The following SNW1 variants were observed in gnomAD, a reference collection of about 807,000 sequenced individuals.
The protein encoded by SNW1 is SNW domain containing 1.
Under a neutral mutation model 75.6 loss-of-function variants are expected in SNW1, and 9 were observed. The ratio of observed to expected loss-of-function variants is 0.12; its 90% CI spans 0.07 to 0.21. The LOEUF (loss-of-function observed/expected upper bound fraction) is 0.21. Among genes scored for constraint, SNW1 ranks in the 10% least tolerant of loss-of-function variants. The pLI is 1.00. For missense variants in SNW1, 409 were observed against 670.9 expected (o/e 0.61, Z 4.31); for synonymous variants, 200 against 219.1 (o/e 0.91, Z 0.77).
At chr14:77,736,949 T>C (rs745308514) in intron 6 of SNW1, 22 bp downstream of exon 6, 82 of 1,502,764 alleles carry the variant, frequency 5.5e-5, no homozygotes, top group Admixed American at 1.0e-4. Flanking sequence ...TGTGTATTAG[T>C]AGCCTATTCC....
intron 9 of SNW1, among the ~76,000 whole-genome samples, chr14:77,731,485 A>G (rs2080626580): frequency 6.6e-6 from 1 of 152,222 alleles, no homozygotes; most frequent in Admixed American, 6.5e-5. Context: ...GGGTGGAAGG[A>G]CTGCTTGAGC....
intron 6 of SNW1, among the ~76,000 whole-genome samples, chr14:77,736,700 GT>G (rs2080675657): frequency 6.6e-6 from 1 of 152,152 alleles, no homozygotes; most frequent in Admixed American, 6.6e-5. Flanking sequence ...AAGCAAGATA[GT>G]GAACATGTCT....
intron 10 of SNW1, among the ~76,000 whole-genome samples, chr14:77,723,552 T>C (rs1595074408): frequency 6.6e-6 from 1 of 151,862 alleles, no homozygotes; most frequent in South Asian, 2.1e-4. Context: ...GTCCCACTTA[T>C]GTTGTCGAGG....
At chr14:77,728,706 T>C (rs375437360) in intron 10 of SNW1, among the ~76,000 whole-genome samples, 4 of 152,164 alleles carry the variant, frequency 2.6e-5, no homozygotes, top group Admixed American at 6.5e-5. Context: ...CCTGTTTCTA[T>C]AGCCAATTAA....
intron 3 of SNW1, among the ~76,000 whole-genome samples, chr14:77,739,293 T>G (rs2080698212): frequency 6.6e-6 from 1 of 152,232 alleles, no homozygotes; most frequent in African/African-American, 2.4e-5. Context: ...GTTTGAGATC[T>G]TCTAATCAAG....
chr14:77,760,856 C>T (rs908167851), intron 1 of SNW1: 1 of 783,478 alleles, frequency 1.3e-6, no homozygotes, highest in East Asian at 2.7e-5. Flanking sequence ...GCGAAAAACC[C>T]ACTCTTCAGT....
rs1198843074 is a variant in SNW1, at chr14:77,717,763, A to T, written c.*325T>A. ...CACTGTGGTTGGGGTAACTTTACTCATATGCAGCTGTTCTTACACAAAACA... is the reference window on the plus strand; with the variant it reads ...CACTGTGGTTGGGGTAACTTTACTCTTATGCAGCTGTTCTTACACAAAACA... On this transcript the variant is annotated 3_prime_UTR_variant, in exon 14 of 14. Transcript: ENST00000261531. The T allele has an allele frequency of 4.9e-6, 3 of 609,014 alleles. No individual in the cohort carries two copies. Among genetic ancestry groups the T allele is most frequent in the South Asian group, 4.1e-5 (2 of 48,814 alleles). The allele number at this position is 609,014 out of a possible 1,614,324, so 37.7% of individuals were successfully genotyped here.
intron 2 of SNW1, among the ~76,000 whole-genome samples, chr14:77,753,376 C>T (rs532527476): frequency 6.6e-6 from 1 of 152,190 alleles, no homozygotes; most frequent in Non-Finnish European, 1.5e-5. Context: ...AACAGAGACA[C>T]TCAACTGCTC....
intron 12 of SNW1, among the ~76,000 whole-genome samples, chr14:77,720,125 CAACA>C (rs1304632995): frequency 6.6e-6 from 1 of 152,140 alleles, no homozygotes; most frequent in Non-Finnish European, 1.5e-5. Flanking sequence ...CAAAAATCAA[CAACA>C]AAAAAACCCA....
In SNW1 at chr14:77,717,921, CA is replaced by C. The variant is rs1402333708; in HGVS notation, c.*166del. The C allele has an allele frequency of 3.2e-5, 20 of 617,984 alleles. 1 individual carries two copies. The highest frequency in any genetic ancestry group is 5.2e-5 in the Non-Finnish European group (19 of 368,308). The allele number at this position is 617,984 out of a possible 1,614,324, so 38.3% of individuals were successfully genotyped here. On this transcript the variant is annotated 3_prime_UTR_variant, in exon 14 of 14. Transcript: ENST00000261531. ...ACTCTTTAAAAAAAACTAAATAATT[CA>C]AAGTAGAATTTTCTATCCCCCCCAT...
chr14:77,736,557 A>G (rs1566830693), intron 6 of SNW1, among the ~76,000 whole-genome samples: 1 of 152,054 alleles, frequency 6.6e-6, no homozygotes, highest in Non-Finnish European at 1.5e-5. Context: ...TCAAAAAACA[A>G]AAACAAAAAC....
At chr14:77,728,049 G>GT (rs1381334139) in intron 10 of SNW1, among the ~76,000 whole-genome samples, 3 of 82,906 alleles carry the variant, frequency 3.6e-5, no homozygotes, top group Admixed American at 1.4e-4. Flanking sequence ...AATGTTAATT[G>GT]TTAAAAAAAA....
intron 5 of SNW1, among the ~76,000 whole-genome samples, chr14:77,737,314 T>C (rs927148084): frequency 2.6e-5 from 4 of 152,188 alleles, no homozygotes; most frequent in African/African-American, 9.7e-5. Flanking sequence ...CATCCTCATA[T>C]GTTTTCCAAC....
intron 3 of SNW1, among the ~76,000 whole-genome samples, chr14:77,750,919 A>G (rs2080802689): frequency 1.3e-5 from 2 of 152,214 alleles, no homozygotes; most frequent in South Asian, 4.1e-4. Context: ...AAGTACATGG[A>G]GGAAATGAGT....
chr14:77,753,982 T>G (rs1566836976), intron 2 of SNW1, among the ~76,000 whole-genome samples: 1 of 151,546 alleles, frequency 6.6e-6, no homozygotes, highest in Non-Finnish European at 1.5e-5. Context: ...ATTAATTAAT[T>G]AATGTAAAGG....
At chr14:77,738,490 G>A (rs1163568518) in intron 5 of SNW1, among the ~76,000 whole-genome samples, 1 of 152,018 alleles carries the variant, frequency 6.6e-6, no homozygotes, top group Non-Finnish European at 1.5e-5. Flanking sequence ...CAAGGCAGGA[G>A]GATCACCTGA....
At chr14:77,727,440 G>T (rs1202215698) in intron 10 of SNW1, among the ~76,000 whole-genome samples, 1 of 152,184 alleles carries the variant, frequency 6.6e-6, no homozygotes, top group African/African-American at 2.4e-5. Flanking sequence ...AGTTACAGTG[G>T]TGAAAGTGGG....
At chr14:77,753,812 A>G (rs1984925) in intron 2 of SNW1, among the ~76,000 whole-genome samples, 127,154 of 151,432 alleles carry the variant, frequency 0.84, 53,470 homozygotes, top group African/African-American at 0.87. Flanking sequence ...AATTAGCTGG[A>G]TGTGGTGGCA....
chr14:77,721,736 A>T (rs996899915), intron 11 of SNW1, among the ~76,000 whole-genome samples: 2 of 151,988 alleles, frequency 1.3e-5, no homozygotes, highest in Non-Finnish European at 2.9e-5. Flanking sequence ...ATGCTTATTT[A>T]TTTTTATTTT....
Sources: gnomAD v4.1 joint callset for allele counts (sites outside exome capture counted in the v4.1 genomes callset) on GRCh38, gnomAD v4.1.1 for gene constraint, MANE v1.5 for transcripts, NCBI Gene and HGNC (gene_info 2026-07-23, HGNC 2026-07-21) for gene names.